Variants in PARD3 observed in about 807,000 individuals in gnomAD.
The protein encoded by PARD3 is par-3 family cell polarity regulator.
A neutral mutation model predicts 155.4 loss-of-function variants in PARD3; 75 were observed. That is an observed-to-expected ratio of 0.48 (90% CI 0.40 to 0.58). The LOEUF (loss-of-function observed/expected upper bound fraction) is 0.58. PARD3 is among the 20% of genes least tolerant of loss of function. PARD3 has a pLI of 0.00. For missense variants in PARD3, 1,642 were observed against 1,721.7 expected (o/e 0.95, Z 0.82); for synonymous variants, 576 against 610.5 (o/e 0.94, Z 0.83).
At chr10:34,619,545 TTC>T (rs2091487217) in intron 2 of PARD3, among the ~76,000 whole-genome samples, 1 of 152,224 alleles carries the variant, frequency 6.6e-6, no homozygotes. Context: ...GCCAACTTTT[TTC>T]TTTTTTAATT....
At position 34,196,341 on chromosome 10, in the gene PARD3, T is replaced by C. The variant is rs149545147; in HGVS notation, c.3420-64758A>G. Reference sequence around the variant, plus strand: ...CAACTCCAGTTAAAGAGCACTCTCATTTGAGAGTCACTTAAAAAAATCACC... The same window carrying C: ...CAACTCCAGTTAAAGAGCACTCTCACTTGAGAGTCACTTAAAAAAATCACC... On this transcript the variant is annotated intron_variant, in intron 22 of 24. Transcript: ENST00000374788. 6.2e-3 allele frequency among the ~76,000 whole-genome samples: 951 copies of C among 152,270 alleles called. 1 individual carries two copies. The highest frequency in any genetic ancestry group is 9.1e-3 in the Admixed American group (140 of 15,308).
chr10:34,559,601 T>C (rs2085299577), intron 2 of PARD3, among the ~76,000 whole-genome samples: 1 of 152,222 alleles, frequency 6.6e-6, no homozygotes, highest in Admixed American at 6.5e-5. Context: ...ACAAGATTGC[T>C]ACCTTTTTAA....
chr10:34,693,281 C>A (rs1018922590), intron 2 of PARD3, among the ~76,000 whole-genome samples: 2 of 152,154 alleles, frequency 1.3e-5, no homozygotes, highest in African/African-American at 4.8e-5. Context: ...ACTGTTCTGC[C>A]ATAAAGACAC....
At chr10:34,519,423 T>C (rs2081988512) in intron 2 of PARD3, among the ~76,000 whole-genome samples, 1 of 152,200 alleles carries the variant, frequency 6.6e-6, no homozygotes, top group East Asian at 1.9e-4. Flanking sequence ...AAATTTTAAA[T>C]GTTATAATAT....
At chr10:34,525,494 A>G (rs964248044) in intron 2 of PARD3, among the ~76,000 whole-genome samples, 1 of 152,192 alleles carries the variant, frequency 6.6e-6, no homozygotes, top group Non-Finnish European at 1.5e-5. Flanking sequence ...ACCTATGGGT[A>G]TATGTTCCAG....
chr10:34,293,843 T>C (rs1956783990), intron 20 of PARD3, among the ~76,000 whole-genome samples: 3 of 152,192 alleles, frequency 2.0e-5, no homozygotes, highest in Admixed American at 2.0e-4. Context: ...TCTATTAAGC[T>C]TCTTTTGTTA....
At chr10:34,636,532 C>T (rs542717640) in intron 2 of PARD3, among the ~76,000 whole-genome samples, 20 of 152,284 alleles carry the variant, frequency 1.3e-4, no homozygotes, top group African/African-American at 4.1e-4. Flanking sequence ...GGTGCTTCTG[C>T]GGGGTGGAGG....
At chr10:34,587,674 A>AT (rs112369938) in intron 2 of PARD3, among the ~76,000 whole-genome samples, 1,561 of 152,302 alleles carry the variant, frequency 0.01, 35 homozygotes, top group African/African-American at 0.036. Flanking sequence ...AGATATCTAC[A>AT]GTCTCAGGAG....
chr10:34,696,267 C>G, intron 2 of PARD3, 51 bp downstream of exon 2: 1 of 961,460 alleles, frequency 1.0e-6, no homozygotes. Flanking sequence ...CTCCCTAGTC[C>G]TCAAAAAAAA....
intron 5 of PARD3, among the ~76,000 whole-genome samples, chr10:34,428,132 G>T (rs913809979): frequency 3.3e-5 from 5 of 151,980 alleles, no homozygotes; most frequent in Non-Finnish European, 7.4e-5. Context: ...AATCTCTCCC[G>T]ATCAACAAAC....
At chr10:34,380,566 T>G (rs1466167537) in intron 9 of PARD3, among the ~76,000 whole-genome samples, 2 of 152,156 alleles carry the variant, frequency 1.3e-5, no homozygotes, top group East Asian at 3.9e-4. Context: ...TTTTCCTTTT[T>G]TTGGAGAATC....
At chr10:34,226,536 C>T (rs563486303) in intron 22 of PARD3, among the ~76,000 whole-genome samples, 2 of 152,030 alleles carry the variant, frequency 1.3e-5, no homozygotes, top group Admixed American at 6.6e-5. Flanking sequence ...GGGGAAAGAG[C>T]GAAACTTTGT....
At chr10:34,676,679 GTT>G (rs1471739159) in intron 2 of PARD3, among the ~76,000 whole-genome samples, 1 of 152,138 alleles carries the variant, frequency 6.6e-6, no homozygotes, top group Non-Finnish European at 1.5e-5. Flanking sequence ...GACAAATTAG[GTT>G]TTGGCAGAGA....
chr10:34,164,219 C>T (rs1432302987), intron 22 of PARD3, among the ~76,000 whole-genome samples: 1 of 152,154 alleles, frequency 6.6e-6, no homozygotes, highest in East Asian at 1.9e-4. Context: ...GTTTTTGTAA[C>T]AACTTTGAAA....
intron 22 of PARD3, among the ~76,000 whole-genome samples, chr10:34,138,721 C>A (rs1315268131): frequency 6.6e-6 from 1 of 152,082 alleles, no homozygotes; most frequent in Non-Finnish European, 1.5e-5. Flanking sequence ...TTTTGTTAAC[C>A]ATATCAGCTT....
intron 3 of PARD3, among the ~76,000 whole-genome samples, chr10:34,502,773 AAAC>A (rs1272005740): frequency 6.6e-6 from 1 of 152,132 alleles, no homozygotes. Context: ...CAAAAACAAA[AAAC>A]AACAACTTTG....
chr10:34,485,919 T>A (rs909983592), intron 3 of PARD3, among the ~76,000 whole-genome samples: 1 of 90,092 alleles, frequency 1.1e-5, no homozygotes, highest in Admixed American at 1.1e-4. Context: ...ACGTTTTGGG[T>A]TTTTTTTTTT....
In PARD3 at chr10:34,731,431, A is replaced by G. The variant is rs1183237748; in HGVS notation, c.121-35012T>C. On this transcript the variant is annotated intron_variant, in intron 1 of 24. Transcript: ENST00000374788. ...CACTTGCTGCTCTAGCGCTGACTAG[A>G]CAAATTTGTAGTGATTAGCACATTA... Among the ~76,000 whole-genome samples the G allele has an allele frequency of 2.6e-5, 4 of 152,246 alleles. No homozygotes were observed. In the East Asian group the frequency reaches 7.7e-4, roughly 29 times the overall value.
intron 1 of PARD3, among the ~76,000 whole-genome samples, chr10:34,740,487 C>A (rs2094989422): frequency 6.6e-6 from 1 of 152,188 alleles, no homozygotes; most frequent in African/African-American, 2.4e-5. Context: ...TGTGCCCGTT[C>A]CAACAAAATG....
Sources: allele counts gnomAD v4.1 joint callset (sites outside exome capture counted in the v4.1 genomes callset), GRCh38; gene constraint gnomAD v4.1.1; transcripts MANE v1.5; gene names NCBI Gene and HGNC (gene_info 2026-07-23, HGNC 2026-07-21).